PDE4D: variants seen among roughly 807,000 people sequenced by gnomAD.
PDE4D encodes the protein phosphodiesterase 4D, also known as 3',5'-cyclic-AMP phosphodiesterase 4D.
In PDE4D, 24 loss-of-function variants were observed where a neutral mutation model predicts 87.4. The observed-to-expected ratio is 0.27, with a 90% CI of 0.20 to 0.39. PDE4D has a LOEUF of 0.39. PDE4D is among the 10% of genes least tolerant of loss of function. The pLI, the probability that PDE4D is intolerant of heterozygous loss-of-function variation, is 1.00. For synonymous variants in PDE4D, 384 were observed against 383.2 expected, an observed-to-expected ratio of 1.00 and a Z score of -0.02; for missense variants, 714 against 1,041.0, an observed-to-expected ratio of 0.69 and a Z score of 4.32.
At chr5:59,646,751 A>G (rs1241099418) in intron 1 of PDE4D, among the ~76,000 whole-genome samples, 6 of 152,276 alleles carry the variant, frequency 3.9e-5, no homozygotes, top group Admixed American at 6.5e-5. Flanking sequence ...TTTGTAGACA[A>G]TAGGCCGGGT....
At chr5:60,260,777 C>A (rs1749568180) in intron 1 of PDE4D, among the ~76,000 whole-genome samples, 1 of 152,098 alleles carries the variant, frequency 6.6e-6, no homozygotes, top group African/African-American at 2.4e-5. Flanking sequence ...CCTCTAATTT[C>A]ACAATGAGTT....
At chr5:59,174,507 C>T (rs1783515565) in intron 5 of PDE4D, 1 of 152,582 alleles carries the variant, frequency 6.6e-6, no homozygotes, top group Non-Finnish European at 1.5e-5. Flanking sequence ...AAGTCAAAAT[C>T]CAGAAGTCTT....
upstream of PDE4D, among the ~76,000 whole-genome samples, chr5:60,492,651 C>A (rs1259653232): frequency 6.6e-6 from 1 of 151,936 alleles, no homozygotes; most frequent in Non-Finnish European, 1.5e-5. Context: ...GACAGAAAAC[C>A]AAACACCGCA....
intron 1 of PDE4D, among the ~76,000 whole-genome samples, chr5:60,292,526 T>C (rs1275907435): frequency 1.3e-5 from 2 of 152,228 alleles, no homozygotes; most frequent in Admixed American, 1.3e-4. Context: ...AACACACTTC[T>C]TGCCAAAGAT....
intron 2 of PDE4D, among the ~76,000 whole-genome samples, chr5:60,125,901 C>A (rs951753621): frequency 1.3e-5 from 2 of 151,992 alleles, no homozygotes; most frequent in African/African-American, 4.8e-5. Context: ...TGTTAAAGAC[C>A]GTCTTCCTAA....
chr5:59,737,860 A>G (rs1362467570), intron 1 of PDE4D, among the ~76,000 whole-genome samples: 2 of 152,182 alleles, frequency 1.3e-5, no homozygotes, highest in Non-Finnish European at 2.9e-5. Context: ...TATAATCAAC[A>G]TAACATATAG....
At chr5:59,531,312 G>GGGCT (rs1814180603) in intron 1 of PDE4D, among the ~76,000 whole-genome samples, 1 of 152,238 alleles carries the variant, frequency 6.6e-6, no homozygotes, top group African/African-American at 2.4e-5. Flanking sequence ...TTAACCTGGA[G>GGGCT]GGCTACCCTA....
intron 1 of PDE4D, among the ~76,000 whole-genome samples, chr5:59,566,534 ATGTGTGTGTGTGTGTG>A (rs34584672): frequency 2.3e-4 from 33 of 140,806 alleles, no homozygotes; most frequent in East Asian, 1.5e-3. Context: ...TCACAGTTTC[ATGTGTGTGTGTGTGTG>A]TGTGTGTGTG....
intron 1 of PDE4D, among the ~76,000 whole-genome samples, chr5:60,253,063 G>A (rs1748653073): frequency 6.6e-6 from 1 of 151,742 alleles, no homozygotes; most frequent in South Asian, 2.1e-4. Flanking sequence ...ATTAGTTATG[G>A]ACAGCACAAA....
Position 60,082,052 on chromosome 5 carries a change from C to T in PDE4D, c.43-93335G>A, listed in dbSNP as rs113609321. Among the ~76,000 whole-genome samples, 4 of 152,284 alleles carry T rather than the reference C, an allele frequency of 2.6e-5. 1 individual carries two copies. Among genetic ancestry groups the T allele is most frequent in the African/African-American group, 9.6e-5 (4 of 41,546 alleles). ...TATAGCAGTACCTACTGCAATATTACACAAAGTGGTTTACTTCCCAATTCA... is the reference window on the plus strand; with the variant it reads ...TATAGCAGTACCTACTGCAATATTATACAAAGTGGTTTACTTCCCAATTCA... On this transcript the variant is annotated intron_variant, in intron 2 of 16. Transcript: ENST00000502484.
At chr5:60,060,505 C>A (rs566385309) in intron 2 of PDE4D, among the ~76,000 whole-genome samples, 64 of 152,160 alleles carry the variant, frequency 4.2e-4, no homozygotes, top group African/African-American at 1.3e-3. Context: ...TAAATTCTAC[C>A]CTTTGTTCAA....
chr5:60,251,956 T>A (rs1748518232), intron 1 of PDE4D, among the ~76,000 whole-genome samples: 1 of 151,944 alleles, frequency 6.6e-6, no homozygotes, highest in Non-Finnish European at 1.5e-5. Flanking sequence ...TATTTTGTAT[T>A]TTTACTGTGC....
At chr5:60,482,109 A>G (rs37760) in intron 1 of PDE4D, among the ~76,000 whole-genome samples, 66,308 of 151,972 alleles carry the variant, frequency 0.44, 15,717 homozygotes, top group African/African-American at 0.62. Flanking sequence ...TGGAGATGGT[A>G]TCTTTGGAAG....
chr5:59,011,884 A>G (rs1475277840), intron 6 of PDE4D, among the ~76,000 whole-genome samples: 1 of 152,214 alleles, frequency 6.6e-6, no homozygotes, highest in Non-Finnish European at 1.5e-5. Context: ...GAAGGAAAAA[A>G]TGTTAAGGGC....
At chr5:60,205,818 C>CG (rs1313679773) in intron 1 of PDE4D, among the ~76,000 whole-genome samples, 67 of 151,986 alleles carry the variant, frequency 4.4e-4, no homozygotes, top group African/African-American at 1.5e-3. Flanking sequence ...ACCTGGGAGG[C>CG]GGGGGTTGCA....
At chr5:59,303,060 T>C (rs1440543284) in intron 1 of PDE4D, among the ~76,000 whole-genome samples, 1 of 152,110 alleles carries the variant, frequency 6.6e-6, no homozygotes, top group Non-Finnish European at 1.5e-5. Flanking sequence ...TTTTTTAAAA[T>C]TTTTTTATTA....
chr5:60,512,025 C>G (rs1306058791), intron 1 of PDE4D, among the ~76,000 whole-genome samples: 1 of 151,930 alleles, frequency 6.6e-6, no homozygotes, highest in Non-Finnish European at 1.5e-5. Flanking sequence ...AACTGATACC[C>G]AAAACTGAGA....
chr5:59,129,968 A>G (rs1374707119), intron 5 of PDE4D, among the ~76,000 whole-genome samples: 1 of 152,234 alleles, frequency 6.6e-6, no homozygotes, highest in East Asian at 1.9e-4. Context: ...ATCAAGGATA[A>G]TTTTATTAAT....
chr5:59,207,050 T>C (rs1748952512), intron 2 of PDE4D, among the ~76,000 whole-genome samples: 1 of 151,934 alleles, frequency 6.6e-6, no homozygotes, highest in African/African-American at 2.4e-5. Context: ...CCGGGTGTGG[T>C]AGCATACCCC....
Sources: gnomAD v4.1 joint callset for allele counts (sites outside exome capture counted in the v4.1 genomes callset) on GRCh38, gnomAD v4.1.1 for gene constraint, MANE v1.5 for transcripts, NCBI Gene and HGNC (gene_info 2026-07-23, HGNC 2026-07-21) for gene names.